MORC1: variants seen among roughly 807,000 people sequenced by gnomAD.
MORC1 encodes MORC family CW-type zinc finger 1.
In MORC1, 59 loss-of-function variants were observed where a neutral mutation model predicts 134.9. The ratio of observed to expected loss-of-function variants is 0.44; its 90% CI spans 0.35 to 0.54. The LOEUF (loss-of-function observed/expected upper bound fraction) is 0.54, where lower values mean the gene tolerates loss of function less well. Among genes scored for constraint, MORC1 ranks in the 20% least tolerant of loss-of-function variants. The pLI, the probability that MORC1 is intolerant of heterozygous loss-of-function variation, is 0.00. For missense variants in MORC1, 947 were observed against 1,134.5 expected (o/e 0.83, Z 2.37); for synonymous variants, 395 against 391.7 (o/e 1.01, Z -0.10).
intron 9 of MORC1, among the ~76,000 whole-genome samples, chr3:109,065,818 A>G (rs1950183466): frequency 1.3e-5 from 2 of 152,254 alleles, no homozygotes; most frequent in Non-Finnish European, 2.9e-5. Context: ...CATATACACT[A>G]TAGAAGACTA....
chr3:109,105,794 A>T (rs922940427), intron 3 of MORC1, among the ~76,000 whole-genome samples: 4 of 152,146 alleles, frequency 2.6e-5, no homozygotes, highest in Admixed American at 2.6e-4. Context: ...TTATAATTTC[A>T]TGGTGATGTG....
intron 8 of MORC1, among the ~76,000 whole-genome samples, chr3:109,072,607 C>T (rs993497458): frequency 2.0e-5 from 3 of 152,156 alleles, no homozygotes; most frequent in Non-Finnish European, 4.4e-5. Context: ...ACAGAGGTTC[C>T]TTATGTATGA....
chr3:109,110,698 C>T (rs780242815), intron 3 of MORC1, 51 bp downstream of exon 3: 4 of 1,411,608 alleles, frequency 2.8e-6, no homozygotes, highest in Non-Finnish European at 3.9e-6. Context: ...AGCAAAATAA[C>T]TACAGTCTTT....
chr3:109,091,374 G>A (rs541613085), intron 8 of MORC1, among the ~76,000 whole-genome samples: 1 of 151,998 alleles, frequency 6.6e-6, no homozygotes, highest in East Asian at 1.9e-4. Context: ...AACCCAGGAG[G>A]CAGAGGTTGC....
intron 14 of MORC1, chr3:109,049,106 T>C (rs1949760474): frequency 1.0e-6 from 1 of 975,182 alleles, no homozygotes; most frequent in East Asian, 1.1e-4. Context: ...TATTCTCACC[T>C]TTTAATATTT....
At chr3:109,011,685 C>T (rs569108532) in intron 17 of MORC1, among the ~76,000 whole-genome samples, 98 of 152,156 alleles carry the variant, frequency 6.4e-4, no homozygotes, top group African/African-American at 2.3e-3. Context: ...CCACGCCTGG[C>T]TAATTTTGTA....
intron 14 of MORC1, among the ~76,000 whole-genome samples, chr3:109,041,943 C>CA (rs563306121): frequency 0.034 from 4,511 of 131,972 alleles, 202 homozygotes; most frequent in African/African-American, 0.11. Flanking sequence ...GACTCCATCT[C>CA]AAAAAAAAAA....
chr3:109,113,827 C>T (rs1362957346), intron 2 of MORC1, among the ~76,000 whole-genome samples: 1 of 152,176 alleles, frequency 6.6e-6, no homozygotes, highest in Non-Finnish European at 1.5e-5. Flanking sequence ...ATTTGAATGC[C>T]AGCTCTGCCA....
chr3:109,053,763 T>C (rs1949884985), intron 14 of MORC1, among the ~76,000 whole-genome samples: 1 of 152,208 alleles, frequency 6.6e-6, no homozygotes, highest in African/African-American at 2.4e-5. Flanking sequence ...ATGTACACCT[T>C]GATTCTAAAA....
chr3:109,109,549 G>A (rs374732079), intron 3 of MORC1, among the ~76,000 whole-genome samples: 1 of 152,122 alleles, frequency 6.6e-6, no homozygotes, highest in Non-Finnish European at 1.5e-5. Context: ...CTTTCCCTGT[G>A]TTCCCACCAT....
intron 17 of MORC1, among the ~76,000 whole-genome samples, chr3:109,008,049 G>A (rs939901415): frequency 5.9e-5 from 9 of 151,922 alleles, no homozygotes; most frequent in East Asian, 5.8e-4. Flanking sequence ...TTGTTGAATC[G>A]TGCCTTTTCA....
At chr3:109,065,554 CA>C in intron 9 of MORC1, among the ~76,000 whole-genome samples, 1 of 152,294 alleles carries the variant, frequency 6.6e-6, no homozygotes, top group Non-Finnish European at 1.5e-5. Context: ...GATGGTCTGT[CA>C]CTTTTAAAGA....
intron 17 of MORC1, among the ~76,000 whole-genome samples, chr3:109,007,941 A>G (rs568017193): frequency 7.4e-4 from 110 of 149,616 alleles, no homozygotes; most frequent in Non-Finnish European, 1.2e-3. Flanking sequence ...GCACATATAT[A>G]TGTGTGTGTG....
intron 17 of MORC1, among the ~76,000 whole-genome samples, chr3:109,019,745 C>G (rs181091594): frequency 3.7e-4 from 56 of 152,314 alleles, no homozygotes; most frequent in Admixed American, 3.7e-3. Context: ...TACAGCACTG[C>G]TGATAGAGGC....
At chr3:109,108,983 A>C (rs1048261348) in intron 3 of MORC1, among the ~76,000 whole-genome samples, 6 of 152,104 alleles carry the variant, frequency 3.9e-5, no homozygotes, top group African/African-American at 1.2e-4. Context: ...GACTGCAGAA[A>C]AAACCTTGGT....
intron 14 of MORC1, among the ~76,000 whole-genome samples, chr3:109,045,069 T>C (rs1444334328): frequency 6.6e-6 from 1 of 151,956 alleles, no homozygotes; most frequent in Non-Finnish European, 1.5e-5. Context: ...TCAAATTCAA[T>C]AGTAAACTAC....
intron 17 of MORC1, among the ~76,000 whole-genome samples, chr3:109,026,731 G>C (rs1174872998): frequency 6.6e-6 from 1 of 152,196 alleles, no homozygotes; most frequent in East Asian, 1.9e-4. Flanking sequence ...ACTTTTGTCT[G>C]ACAAGAAACC....
At chr3:109,035,825 AC>A (rs1169934006) in intron 14 of MORC1, among the ~76,000 whole-genome samples, 1 of 152,166 alleles carries the variant, frequency 6.6e-6, no homozygotes, top group African/African-American at 2.4e-5. Flanking sequence ...TACTGATTAA[AC>A]TTTAAAGGGC....
At chr3:109,048,458 C>T (rs1949746310) in intron 14 of MORC1, among the ~76,000 whole-genome samples, 1 of 152,128 alleles carries the variant, frequency 6.6e-6, no homozygotes, top group Non-Finnish European at 1.5e-5. Context: ...AGTTCACCTA[C>T]AAGTTGATCA....
Sources: gnomAD v4.1 joint callset for allele counts (sites outside exome capture counted in the v4.1 genomes callset) on GRCh38, gnomAD v4.1.1 for gene constraint, MANE v1.5 for transcripts, NCBI Gene and HGNC (gene_info 2026-07-23, HGNC 2026-07-21) for gene names.